The following DIS3L2 variants were observed in gnomAD, a reference collection of about 807,000 sequenced individuals.
DIS3L2 encodes the protein DIS3-like exonuclease 2.
DIS3L2 carries 34 observed loss-of-function variants against 97.5 expected under a neutral mutation model. That is an observed-to-expected ratio of 0.35 (90% CI 0.27 to 0.46). The LOEUF is 0.46. Among genes scored for constraint, DIS3L2 ranks in the 20% least tolerant of loss-of-function variants. DIS3L2 has a pLI of 1.00. For missense variants in DIS3L2, 1,038 were observed against 1,146.0 expected (o/e 0.91, Z 1.36); for synonymous variants, 435 against 445.2 (o/e 0.98, Z 0.29).
intron 14 of DIS3L2, 28 bp from the exon 15 acceptor site, chr2:232,329,785 T>TGCCCGGGGGGGGCCCCGGGGGC: frequency 1.0e-6 from 1 of 967,144 alleles, no homozygotes; most frequent in Non-Finnish European, 1.5e-6. Context: ...ACCCCAGCGG[T>TGCCCGGGGGGGGCCCCGGGGGC]CCCTCCCATC....
At chr2:232,248,284 C>T (rs1693319931) in intron 11 of DIS3L2, among the ~76,000 whole-genome samples, 1 of 152,162 alleles carries the variant, frequency 6.6e-6, no homozygotes, top group Non-Finnish European at 1.5e-5. Flanking sequence ...CAGTGTTATC[C>T]ATGCTCAACA....
chr2:232,262,006 TG>T (rs1693723091), intron 12 of DIS3L2, among the ~76,000 whole-genome samples: 1 of 152,254 alleles, frequency 6.6e-6, no homozygotes, highest in Non-Finnish European at 1.5e-5. Context: ...AATTGCTCTC[TG>T]AGTGCCCTGT....
At chr2:232,065,390 T>C (rs1171123654) in intron 5 of DIS3L2, among the ~76,000 whole-genome samples, 2 of 152,084 alleles carry the variant, frequency 1.3e-5, no homozygotes, top group Non-Finnish European at 2.9e-5. Context: ...TTAATTTTTA[T>C]ATATAGTGTG....
Position 232,281,231 on chromosome 2 carries a change from CT to C in DIS3L2, c.1659+17792del, listed in dbSNP as rs1694277004. ...TGGCTAACATGGTGAAACCCCATCT[CT>C]ACTAAAAATACAAAAAATTAGCCGG... On this transcript the variant is annotated intron_variant, in intron 13 of 20. Coordinates refer to ENST00000325385, the MANE Select transcript of DIS3L2 (RefSeq NM_152383.5). The surrounding 1 kb of genome is among the most constrained non-coding windows in gnomAD (Gnocchi z 4.1). 6.6e-6 allele frequency among the ~76,000 whole-genome samples: 1 copy of C among 152,162 alleles called. No homozygotes were observed. The highest frequency in any genetic ancestry group is 1.5e-5 in the Non-Finnish European group (1 of 68,030).
At chr2:232,251,755 G>A (rs548357168) in intron 12 of DIS3L2, among the ~76,000 whole-genome samples, 1 of 152,322 alleles carries the variant, frequency 6.6e-6, no homozygotes, top group South Asian at 2.1e-4. Flanking sequence ...GAAATTAGAT[G>A]ACAGTGAAGC....
rs539295433 is a variant in DIS3L2 at position 231,984,768 on chromosome 2, C to T, written c.-94+23003C>T. 6.6e-5 allele frequency among the ~76,000 whole-genome samples: 10 copies of T among 152,062 alleles called. No homozygotes were observed. The South Asian group carries it at 1.0e-3, about 16-fold the overall frequency. ...CTGAGTAACTGGGATTACATGCGTG[C>T]GCCACGGCACCCAGCTAATTTTTTG... On this transcript the variant is annotated intron_variant, in intron 1 of 20. Transcript: ENST00000325385.
chr2:232,024,181 T>C (rs925286669), intron 3 of DIS3L2, 96 bp from the exon 4 acceptor site: 12 of 824,750 alleles, frequency 1.5e-5, no homozygotes, highest in Non-Finnish European at 2.3e-5. Context: ...TCAAGTGACC[T>C]GTTTAATTTT....
intron 13 of DIS3L2, among the ~76,000 whole-genome samples, chr2:232,277,915 T>A (rs571278434): frequency 1.3e-5 from 2 of 152,336 alleles, no homozygotes; most frequent in South Asian, 4.1e-4. Flanking sequence ...TTTGTACACT[T>A]AAACGTAGAA....
At chr2:232,104,067 C>T (rs1187233992) in intron 6 of DIS3L2, among the ~76,000 whole-genome samples, 1 of 151,778 alleles carries the variant, frequency 6.6e-6, no homozygotes, top group African/African-American at 2.4e-5. Context: ...AGATTTCTGC[C>T]ATTTTTGTTT....
chr2:232,320,993 C>T (rs1160662962), intron 14 of DIS3L2, among the ~76,000 whole-genome samples: 1 of 152,244 alleles, frequency 6.6e-6, no homozygotes. Flanking sequence ...TACAGCCCCA[C>T]GAGTTGCTGA....
chr2:231,965,295 A>T (rs1285892807), intron 1 of DIS3L2, among the ~76,000 whole-genome samples: 1 of 152,200 alleles, frequency 6.6e-6, no homozygotes, highest in African/African-American at 2.4e-5. Context: ...CAGCGGTAGT[A>T]TCAGGAATTA....
chr2:232,052,335 TTC>T (rs1455576910), intron 5 of DIS3L2, among the ~76,000 whole-genome samples: 3 of 152,182 alleles, frequency 2.0e-5, no homozygotes, highest in Admixed American at 6.5e-5. Flanking sequence ...CCTTCTTAAT[TTC>T]TTTTTGTTTA....
At chr2:232,227,909 A>G (rs1018632069) in intron 10 of DIS3L2, among the ~76,000 whole-genome samples, 7 of 152,194 alleles carry the variant, frequency 4.6e-5, no homozygotes, top group Non-Finnish European at 7.3e-5. Context: ...AAAATTATAT[A>G]TCTCTTGTAT....
chr2:232,001,663 T>C (rs1693912650), intron 1 of DIS3L2, among the ~76,000 whole-genome samples: 1 of 149,318 alleles, frequency 6.7e-6, no homozygotes, highest in Non-Finnish European at 1.5e-5. Context: ...TTTAACTCCA[T>C]GTTTTTTCCC....
intron 5 of DIS3L2, among the ~76,000 whole-genome samples, chr2:232,065,195 T>G (rs977807905): frequency 1.6e-4 from 25 of 152,132 alleles, no homozygotes; most frequent in African/African-American, 5.5e-4. Flanking sequence ...GCAGCAGATC[T>G]CTAGAACTTA....
chr2:232,073,894 C>T (rs902021371), intron 5 of DIS3L2, among the ~76,000 whole-genome samples: 4 of 152,164 alleles, frequency 2.6e-5, no homozygotes, highest in South Asian at 4.1e-4. Flanking sequence ...TACTACACAG[C>T]GTAGACGAGA....
intron 6 of DIS3L2, among the ~76,000 whole-genome samples, chr2:232,088,455 G>A (rs1295811031): frequency 2.0e-5 from 3 of 150,802 alleles, no homozygotes; most frequent in Non-Finnish European, 3.0e-5. Flanking sequence ...CCAGCTACTC[G>A]GGAGGCTGAG....
intron 8 of DIS3L2, among the ~76,000 whole-genome samples, chr2:232,142,480 T>A (rs1305169343): frequency 1.3e-5 from 2 of 152,172 alleles, no homozygotes; most frequent in African/African-American, 2.4e-5. Flanking sequence ...AATATTATGA[T>A]GTTAGAGGAC....
intron 9 of DIS3L2, among the ~76,000 whole-genome samples, chr2:232,176,753 TA>T (rs1401202261): frequency 5.1e-5 from 1 of 19,778 alleles, no homozygotes; most frequent in Non-Finnish European, 8.3e-5. Flanking sequence ...CATGCCCGGC[TA>T]TTTTTTTTTA....
Sources: gnomAD v4.1 joint callset for allele counts (sites outside exome capture counted in the v4.1 genomes callset) on GRCh38, gnomAD v4.1.1 for gene constraint, Gnocchi (gnomAD v3.1) non-coding constraint, MANE v1.5 for transcripts, NCBI Gene and HGNC (gene_info 2026-07-23, HGNC 2026-07-21) for gene names.